MARK1: variants seen among roughly 807,000 people sequenced by gnomAD.
MARK1 encodes the protein serine/threonine-protein kinase MARK1.
A neutral mutation model predicts 96.3 loss-of-function variants in MARK1; 40 were observed. The observed-to-expected ratio is 0.42, with a 90% CI of 0.32 to 0.54. The LOEUF (loss-of-function observed/expected upper bound fraction) is 0.54. Among genes scored for constraint, MARK1 ranks in the 20% least tolerant of loss-of-function variants. The pLI is 0.16. For missense variants in MARK1, 719 were observed against 984.6 expected (o/e 0.73, Z 3.61); for synonymous variants, 317 against 341.2 (o/e 0.93, Z 0.78).
rs1668967662 is a variant in MARK1 at position 220,653,026 on chromosome 1, G to A, written c.1737-75G>A. 2.6e-6 allele frequency: 4 copies of A among 1,542,838 alleles called. No homozygotes were observed. In the African/African-American group the frequency reaches 5.5e-5, roughly 21 times the overall value. ...CCAAAAGAAGTAGCCATAGCTATTTGTTTCAAGTTTTTAGCTTGAGTGAAA... is the reference window on the plus strand; with the variant it reads ...CCAAAAGAAGTAGCCATAGCTATTTATTTCAAGTTTTTAGCTTGAGTGAAA... On this transcript the variant is annotated intron_variant, in intron 15 of 17. Transcript: ENST00000366917.
rs537685021 is a variant in MARK1, at chr1:220,628,878, A to T, written c.910-2157A>T. Among the ~76,000 whole-genome samples, 11 of 151,998 alleles carry T rather than the reference A, an allele frequency of 7.2e-5. No homozygotes were observed. In the South Asian group the frequency reaches 2.3e-3, roughly 32 times the overall value. On this transcript the variant is annotated intron_variant, in intron 9 of 17. Coordinates refer to ENST00000366917, the MANE Select transcript of MARK1 (RefSeq NM_018650.5). ...GAGGCAAGCAGATAACTTGAACCCA[A>T]GAGTTCAAGCCTGGGCAACATAGTG...
Position 220,528,150 on chromosome 1 carries a change from G to T in MARK1, c.-673G>T, listed in dbSNP as rs1660031037. On this transcript the variant is annotated 5_prime_UTR_variant, in exon 1 of 18. Transcript: ENST00000366917. ...GGCGCCCGCCCACCCGGCGGCGGCC[G>T]CCAAGTGCCTCTGGGCGCTGCGTGC... The T allele has an allele frequency of 6.6e-6, 1 of 150,592 alleles. No homozygotes were observed. Among genetic ancestry groups the T allele is most frequent in the Non-Finnish European group, 1.5e-5 (1 of 67,466 alleles). The allele number at this position is 150,592 out of a possible 1,614,324, so 9.3% of individuals were successfully genotyped here.
chr1:220,594,612 GA>G (rs779232231), intron 3 of MARK1, among the ~76,000 whole-genome samples: 2 of 152,152 alleles, frequency 1.3e-5, no homozygotes, highest in Non-Finnish European at 2.9e-5. Context: ...TCATAACTTG[GA>G]AGCAACCAAG....
chr1:220,536,028 T>C (rs1436191600), intron 1 of MARK1, among the ~76,000 whole-genome samples: 1 of 152,192 alleles, frequency 6.6e-6, no homozygotes, highest in Non-Finnish European at 1.5e-5. Context: ...TACTTTTTTT[T>C]TGTTTCTGTA....
intron 1 of MARK1, among the ~76,000 whole-genome samples, chr1:220,546,926 C>T (rs1054603024): frequency 6.7e-6 from 1 of 148,436 alleles, no homozygotes; most frequent in Non-Finnish European, 1.5e-5. Flanking sequence ...GAGCCAAGAT[C>T]GCACCAGTGC....
chr1:220,653,249 G>T lies in MARK1; in HGVS notation c.1885G>T (p.Gly629Trp). 6.2e-7 allele frequency: 1 copy of T among 1,614,186 alleles called. No individual in the cohort carries two copies. Among genetic ancestry groups the T allele is most frequent in the Non-Finnish European group, 8.5e-7 (1 of 1,180,044 alleles). The change falls in exon 16 of 18, where the codon GGG (glycine) becomes TGG (tryptophan). Residue 629 changes from glycine to tryptophan, a missense_variant. Gly to Trp is a radical substitution (Grantham distance 184). Around this residue, in one of 4 missense-constraint regions of MARK1, gnomAD observed 501 missense variants for 588.3 expected, o/e 0.85. Transcript: ENST00000366917. ...LRERRSVAYN[G>W]PPASPSHETG... ...GGAGCGACGCAGCGTTGCTTATAATGGGCCACCTGCTTCACCATCCCATGA... is the reference window on the plus strand; with the variant it reads ...GGAGCGACGCAGCGTTGCTTATAATTGGCCACCTGCTTCACCATCCCATGA...
At chr1:220,638,281 C>T (rs1157484609) in intron 13 of MARK1, among the ~76,000 whole-genome samples, 1 of 152,150 alleles carries the variant, frequency 6.6e-6, no homozygotes, top group Admixed American at 6.6e-5. Flanking sequence ...CATGAACATA[C>T]TCAGCTTTGT....
intron 1 of MARK1, among the ~76,000 whole-genome samples, chr1:220,565,053 C>T (rs1662950542): frequency 6.6e-6 from 1 of 152,064 alleles, no homozygotes; most frequent in African/African-American, 2.4e-5. Context: ...TATGCAAAAG[C>T]ATGTAAAATC....
chr1:220,587,756 A>G (rs973931040), intron 3 of MARK1, among the ~76,000 whole-genome samples: 2 of 152,128 alleles, frequency 1.3e-5, no homozygotes, highest in South Asian at 4.1e-4. Context: ...TTAATATACT[A>G]TATCTATTTA....
chr1:220,659,314 G>A (rs886695406), intron 17 of MARK1, among the ~76,000 whole-genome samples: 2 of 152,132 alleles, frequency 1.3e-5, no homozygotes, highest in East Asian at 3.9e-4. Context: ...ACATAGGTGG[G>A]ATCAAGCCAG....
chr1:220,549,802 A>T lies in MARK1; in HGVS notation c.51+20929A>T, dbSNP rs368240771. On this transcript the variant is annotated intron_variant, in intron 1 of 17. Transcript: ENST00000366917. ...CTCAGCCTTTTACAAGGTGTATTAC[A>T]TTGGGCATGTCTCCTTATCTGTAAA... Among the ~76,000 whole-genome samples the T allele has an allele frequency of 4.7e-4, 71 of 152,316 alleles. No individual in the cohort carries two copies. The South Asian group carries it at 0.01, about 22-fold the overall frequency.
intron 1 of MARK1, among the ~76,000 whole-genome samples, chr1:220,548,994 A>G (rs1264455015): frequency 2.0e-5 from 3 of 152,122 alleles, no homozygotes; most frequent in Non-Finnish European, 4.4e-5. Context: ...CTTGGGGTGT[A>G]GGGGAGTATC....
chr1:220,548,940 A>G (rs1357336868), intron 1 of MARK1, among the ~76,000 whole-genome samples: 6 of 152,178 alleles, frequency 3.9e-5, no homozygotes, highest in Non-Finnish European at 8.8e-5. Context: ...CCAGCTTGTA[A>G]TAAATCCTGG....
chr1:220,540,305 G>A (rs1661041955), intron 1 of MARK1, among the ~76,000 whole-genome samples: 20 of 152,194 alleles, frequency 1.3e-4, no homozygotes, highest in Admixed American at 1.3e-3. Flanking sequence ...TCTAATGCCT[G>A]CAAGCAGGAT....
At chr1:220,556,297 G>C (rs995518161) in intron 1 of MARK1, among the ~76,000 whole-genome samples, 2 of 151,998 alleles carry the variant, frequency 1.3e-5, no homozygotes, top group African/African-American at 4.8e-5. Context: ...TAAGTTTAAC[G>C]GGGAGACACT....
intron 1 of MARK1, among the ~76,000 whole-genome samples, chr1:220,541,424 G>A (rs751442188): frequency 2.0e-5 from 3 of 152,232 alleles, no homozygotes; most frequent in Non-Finnish European, 2.9e-5. Context: ...CTACGTGTCC[G>A]TTAGGTCAAT....
Position 220,650,612 on chromosome 1 carries a change from T to A in MARK1, c.1471-8T>A. ...AATTTTTTAATTGCCTTTTTTTTAT[T>A]CTTGAAGAACAATGTGTATTCTGGA... On this transcript the variant is annotated splice_polypyrimidine_tract_variant and splice_region_variant and intron_variant, in intron 13 of 17. Transcript: ENST00000366917. 6.4e-7 allele frequency: 1 copy of A among 1,554,420 alleles called. No homozygotes were observed. The highest frequency in any genetic ancestry group is 8.8e-7 in the Non-Finnish European group (1 of 1,132,768).
rs1669606248 is a variant in MARK1, at chr1:220,663,837, A to G, written c.*1671A>G. On this transcript the variant is annotated 3_prime_UTR_variant, in exon 18 of 18. Coordinates refer to ENST00000366917, the MANE Select transcript of MARK1 (RefSeq NM_018650.5). ...TTTTTAACCTAGTGTTCATTCAAAA[A>G]AAAATTGATGCAAATCTTTATTCAC... 1 of 152,604 alleles carries G rather than the reference A, an allele frequency of 6.6e-6. No homozygotes were observed. The highest frequency in any genetic ancestry group is 2.4e-5 in the African/African-American group (1 of 41,464). The allele number at this position is 152,604 out of a possible 1,614,324, so 9.5% of individuals were successfully genotyped here. A position where few individuals can be genotyped will look rare whatever the true frequency, so the allele number is the denominator to read the frequency against.
intron 6 of MARK1, among the ~76,000 whole-genome samples, chr1:220,614,432 G>A (rs1275855979): frequency 1.3e-5 from 2 of 152,056 alleles, no homozygotes; most frequent in Non-Finnish European, 2.9e-5. Flanking sequence ...CCTTCAGGAA[G>A]CATTTCCAAC....
Sources: allele counts gnomAD v4.1 joint callset (sites outside exome capture counted in the v4.1 genomes callset), GRCh38; gene constraint gnomAD v4.1.1; regional missense constraint gnomAD v4.1.1; transcripts MANE v1.5; gene names NCBI Gene and HGNC (gene_info 2026-07-23, HGNC 2026-07-21).